UNC5C: variants seen among roughly 807,000 people sequenced by gnomAD.
The protein encoded by UNC5C is netrin receptor UNC5C.
A neutral mutation model predicts 99.8 loss-of-function variants in UNC5C; 47 were observed. That is an observed-to-expected ratio of 0.47 (90% CI 0.37 to 0.60). The LOEUF (loss-of-function observed/expected upper bound fraction) is 0.60, where lower values mean the gene tolerates loss of function less well. Ranked by LOEUF, UNC5C falls within the 20% of genes least tolerant of loss-of-function variation. The pLI is 0.00. For missense variants in UNC5C, 1,062 were observed against 1,165.9 expected (o/e 0.91, Z 1.30); for synonymous variants, 487 against 452.2 (o/e 1.08, Z -0.98).
rs990393234 is a variant in UNC5C at position 95,166,745 on chromosome 4, G to A, written c.*2489C>T. 1 of 152,144 alleles carries A rather than the reference G, an allele frequency of 6.6e-6. No homozygotes were observed. Among genetic ancestry groups the A allele is most frequent in the African/African-American group, 2.4e-5 (1 of 41,430 alleles). The allele number at this position is 152,144 out of a possible 1,614,324, so 9.4% of individuals were successfully genotyped here. On this transcript the variant is annotated 3_prime_UTR_variant, in exon 16 of 16. Coordinates refer to ENST00000453304, the MANE Select transcript of UNC5C (RefSeq NM_003728.4). ...TGGTACTGATGCGTAATCTTGACAA[G>A]TTTATTTCAAAATGTAGGAATGGAC...
chr4:95,312,518 T>A (rs1742312512), intron 2 of UNC5C, among the ~76,000 whole-genome samples: 1 of 152,194 alleles, frequency 6.6e-6, no homozygotes, highest in Non-Finnish European at 1.5e-5. Flanking sequence ...TTAATCTGCA[T>A]AACAATCCTT....
chr4:95,495,545 T>A (rs1386683900), intron 1 of UNC5C, among the ~76,000 whole-genome samples: 2 of 151,676 alleles, frequency 1.3e-5, no homozygotes, highest in Admixed American at 6.6e-5. Context: ...ATCATAAAGA[T>A]CACATTAACT....
intron 1 of UNC5C, among the ~76,000 whole-genome samples, chr4:95,489,795 G>A (rs959786442): frequency 6.6e-6 from 1 of 151,646 alleles, no homozygotes; most frequent in Non-Finnish European, 1.5e-5. Flanking sequence ...AGAAGGGGGA[G>A]AAACAACTTT....
intron 1 of UNC5C, among the ~76,000 whole-genome samples, chr4:95,491,860 G>A (rs1051964119): frequency 1.3e-5 from 2 of 151,578 alleles, no homozygotes; most frequent in African/African-American, 4.8e-5. Flanking sequence ...ATATCAATAT[G>A]TGTCCAAACT....
chr4:95,345,834 C>T (rs150355767), intron 1 of UNC5C, among the ~76,000 whole-genome samples: 379 of 151,838 alleles, frequency 2.5e-3, no homozygotes, highest in African/African-American at 8.6e-3. Flanking sequence ...CATACCAAAA[C>T]CTATGGGATA....
intron 7 of UNC5C, among the ~76,000 whole-genome samples, chr4:95,239,355 T>G (rs1417888039): frequency 6.6e-6 from 1 of 152,206 alleles, no homozygotes; most frequent in Admixed American, 6.5e-5. Flanking sequence ...CACTTTTTTC[T>G]ATGTCTTCCC....
At chr4:95,210,481 C>A (rs1186923274) in intron 10 of UNC5C, among the ~76,000 whole-genome samples, 3 of 152,072 alleles carry the variant, frequency 2.0e-5, no homozygotes, top group Non-Finnish European at 4.4e-5. Context: ...TATTAAATCA[C>A]ATAGAAGAAA....
intron 7 of UNC5C, among the ~76,000 whole-genome samples, chr4:95,230,493 T>C (rs1362685273): frequency 1.5e-4 from 22 of 150,156 alleles, no homozygotes; most frequent in South Asian, 4.2e-4. Flanking sequence ...TTGCTTTTGA[T>C]GTTTTAGTCA....
chr4:95,391,238 T>A (rs1172365348), intron 1 of UNC5C, among the ~76,000 whole-genome samples: 1 of 152,158 alleles, frequency 6.6e-6, no homozygotes, highest in Non-Finnish European at 1.5e-5. Context: ...CATAGCAGTA[T>A]GAAAATGGAC....
At chr4:95,388,096 C>T (rs1745260555) in intron 1 of UNC5C, among the ~76,000 whole-genome samples, 1 of 151,928 alleles carries the variant, frequency 6.6e-6, no homozygotes, top group Non-Finnish European at 1.5e-5. Flanking sequence ...AATAATAATA[C>T]AGAAAAGGGC....
intron 1 of UNC5C, among the ~76,000 whole-genome samples, chr4:95,519,897 G>T (rs778370610): frequency 6.6e-6 from 1 of 152,194 alleles, no homozygotes; most frequent in Non-Finnish European, 1.5e-5. Context: ...TTTGGAACAT[G>T]CTGACTTCAT....
chr4:95,494,061 G>A (rs573378754), intron 1 of UNC5C, among the ~76,000 whole-genome samples: 1 of 151,320 alleles, frequency 6.6e-6, no homozygotes, highest in African/African-American at 2.4e-5. Flanking sequence ...CAGTTATTTC[G>A]GCTCACTCCA....
intron 1 of UNC5C, among the ~76,000 whole-genome samples, chr4:95,416,483 G>A (rs1746168658): frequency 6.6e-6 from 1 of 152,116 alleles, no homozygotes; most frequent in South Asian, 2.1e-4. Context: ...GTGCGGGTAT[G>A]ATGGCACTCC....
At chr4:95,358,955 G>C (rs1485867155) in intron 1 of UNC5C, among the ~76,000 whole-genome samples, 2 of 152,130 alleles carry the variant, frequency 1.3e-5, no homozygotes, top group African/African-American at 4.8e-5. Flanking sequence ...TAAATAAAAA[G>C]TTCCAAGGAC....
intron 8 of UNC5C, among the ~76,000 whole-genome samples, chr4:95,219,602 A>G (rs1738391268): frequency 6.6e-6 from 1 of 152,190 alleles, no homozygotes; most frequent in Non-Finnish European, 1.5e-5. Context: ...GAGCCTCACT[A>G]GGTGACGATT....
rs1463583603 is a variant in UNC5C at position 95,163,491 on chromosome 4, C to G, written c.*5743G>C. ...CTGCCTACAATTCATCTTCTACACA[C>G]CAGTACTGAGGGTTATTCCACCCCG... On this transcript the variant is annotated 3_prime_UTR_variant, in exon 16 of 16. Transcript: ENST00000453304. 6.6e-6 allele frequency: 1 copy of G among 152,248 alleles called. No individual in the cohort carries two copies. Among genetic ancestry groups the G allele is most frequent in the Non-Finnish European group, 1.5e-5 (1 of 68,072 alleles). The allele number at this position is 152,248 out of a possible 1,614,324, so 9.4% of individuals were successfully genotyped here.
intron 1 of UNC5C, among the ~76,000 whole-genome samples, chr4:95,539,510 C>T (rs887982340): frequency 6.6e-6 from 1 of 152,148 alleles, no homozygotes; most frequent in South Asian, 2.1e-4. Flanking sequence ...GTTTCAAGTC[C>T]TTGACTATCT....
chr4:95,182,834 A>G lies in UNC5C; in HGVS notation c.2451+63T>C. 5 of 1,539,006 alleles carry G rather than the reference A, an allele frequency of 3.2e-6. No individual in the cohort carries two copies. The South Asian group carries it at 6.2e-5, about 19-fold the overall frequency. ...CTATGTTGAGATACCCTTTTAGCCC[A>G]CACACTCTGTCTTCCTGAGTGTCGC... On this transcript the variant is annotated intron_variant, in intron 14 of 15. Coordinates refer to ENST00000453304, the MANE Select transcript of UNC5C (RefSeq NM_003728.4).
intron 1 of UNC5C, among the ~76,000 whole-genome samples, chr4:95,544,717 A>G (rs914122706): frequency 5.9e-5 from 9 of 152,206 alleles, no homozygotes; most frequent in Non-Finnish European, 1.0e-4. Flanking sequence ...CTAATTTGTG[A>G]GGAAATGTGA....
Sources: allele counts gnomAD v4.1 joint callset (sites outside exome capture counted in the v4.1 genomes callset), GRCh38; gene constraint gnomAD v4.1.1; transcripts MANE v1.5; gene names NCBI Gene and HGNC (gene_info 2026-07-23, HGNC 2026-07-21).